USH2A: variants seen among roughly 807,000 people sequenced by gnomAD.
USH2A encodes usherin.
USH2A carries 443 observed loss-of-function variants against 538.9 expected under a neutral mutation model. The ratio of observed to expected loss-of-function variants is 0.82; its 90% CI spans 0.76 to 0.89. The LOEUF (loss-of-function observed/expected upper bound fraction) is 0.89, where lower values mean the gene tolerates loss of function less well. USH2A is among the 40% of genes least tolerant of loss of function. The probability of loss-of-function intolerance (pLI) is 0.00; values close to 1 mark genes in which losing one functional copy is unlikely to be tolerated. For synonymous variants in USH2A, 2,413 were observed against 2,273.5 expected (o/e 1.06, Z -1.75); for missense variants, 6,633 against 6,324.8 (o/e 1.05, Z -1.65).
At chr1:216,245,369 A>G (rs1243992322) in intron 13 of USH2A, among the ~76,000 whole-genome samples, 6 of 152,054 alleles carry the variant, frequency 3.9e-5, no homozygotes, top group Non-Finnish European at 7.4e-5. Context: ...GGTAGCTAAT[A>G]AATCGCTCTG....
Position 216,323,279 on chromosome 1 carries a change from TA to T in USH2A, c.1550+194del, listed in dbSNP as rs1558037540. On this transcript the variant is annotated intron_variant, in intron 8 of 71. Transcript: ENST00000307340. ...ATATTTATTTATAAAATACGTTTTA[TA>T]TATATATATATATATATATATAACA... is the stretch of plus-strand genomic sequence containing the variant. Among the ~76,000 whole-genome samples, 8,723 of 47,478 alleles carry T rather than the reference TA, an allele frequency of 0.18. 644 individuals carry two copies. Among genetic ancestry groups the T allele is most frequent in the African/African-American group, 0.37 (7,016 of 18,918 alleles). 31.1% of individuals were successfully genotyped at this position (47,478 alleles called of 152,430 possible).
intron 30 of USH2A, among the ~76,000 whole-genome samples, chr1:216,053,760 C>T (rs1247260071): frequency 1.3e-5 from 2 of 152,150 alleles, no homozygotes; most frequent in African/African-American, 4.8e-5. Flanking sequence ...ATGCATTTTG[C>T]ATTAATGCCT....
At chr1:216,146,738 GA>G (rs949362404) in intron 21 of USH2A, among the ~76,000 whole-genome samples, 3 of 151,908 alleles carry the variant, frequency 2.0e-5, no homozygotes, top group African/African-American at 7.3e-5. Context: ...TGGAGGGCAA[GA>G]ACCCCACTCC....
chr1:216,127,531 T>C (rs1252211988), intron 21 of USH2A, among the ~76,000 whole-genome samples: 1 of 152,166 alleles, frequency 6.6e-6, no homozygotes, highest in Non-Finnish European at 1.5e-5. Flanking sequence ...AGGAGAAAAC[T>C]CTCAGGGCAA....
At chr1:216,171,498 G>A (rs2102637446) in intron 21 of USH2A, among the ~76,000 whole-genome samples, 1 of 152,108 alleles carries the variant, frequency 6.6e-6, no homozygotes, top group South Asian at 2.1e-4. Context: ...ATGTGTAACA[G>A]CAAATAAATT....
At chr1:215,868,630 T>C (rs1664544447) in intron 43 of USH2A, among the ~76,000 whole-genome samples, 1 of 152,146 alleles carries the variant, frequency 6.6e-6, no homozygotes, top group Non-Finnish European at 1.5e-5. Context: ...TATTGGAAGA[T>C]AGGGTTTTTG....
chr1:215,813,292 C>T (rs1298083566), intron 49 of USH2A, among the ~76,000 whole-genome samples: 1 of 152,102 alleles, frequency 6.6e-6, no homozygotes, highest in Non-Finnish European at 1.5e-5. Flanking sequence ...TTGCCAGTGG[C>T]CTAGAATTCT....
At chr1:216,161,667 T>C (rs918977759) in intron 21 of USH2A, among the ~76,000 whole-genome samples, 1 of 152,098 alleles carries the variant, frequency 6.6e-6, no homozygotes, top group Non-Finnish European at 1.5e-5. Flanking sequence ...TCCTATGTCC[T>C]AATACACTTT....
chr1:215,800,303 T>C (rs1662287092), intron 49 of USH2A, among the ~76,000 whole-genome samples: 1 of 152,142 alleles, frequency 6.6e-6, no homozygotes, highest in African/African-American at 2.4e-5. Context: ...CCTCCTCTTC[T>C]TCCTACACCT....
intron 30 of USH2A, among the ~76,000 whole-genome samples, chr1:216,066,422 C>T (rs566411634): frequency 7.5e-4 from 114 of 151,960 alleles, no homozygotes; most frequent in African/African-American, 2.7e-3. Flanking sequence ...GCAGAGATTG[C>T]GCCACTGCAC....
intron 40 of USH2A, among the ~76,000 whole-genome samples, chr1:215,897,746 A>G (rs1196252307): frequency 1.3e-5 from 2 of 151,964 alleles, no homozygotes; most frequent in African/African-American, 2.4e-5. Context: ...AGAGAGAAAG[A>G]GAAAGAGAGT....
At chr1:215,803,034 CAT>C (rs1476688615) in intron 49 of USH2A, among the ~76,000 whole-genome samples, 1 of 152,136 alleles carries the variant, frequency 6.6e-6, no homozygotes, top group Non-Finnish European at 1.5e-5. Context: ...ACAAAAACCA[CAT>C]GATTATGTCA....
chr1:216,318,198 A>G (rs184196901), intron 9 of USH2A, among the ~76,000 whole-genome samples: 114 of 152,346 alleles, frequency 7.5e-4, no homozygotes, highest in Admixed American at 2.1e-3. Flanking sequence ...TATAATTCAC[A>G]AAAGCCCTGT....
intron 37 of USH2A, among the ~76,000 whole-genome samples, chr1:215,955,658 T>C (rs1266729149): frequency 1.3e-5 from 2 of 152,174 alleles, no homozygotes; most frequent in Non-Finnish European, 2.9e-5. Flanking sequence ...AGAATCCAAA[T>C]TCTCTAAAAG....
chr1:215,942,621 A>G (rs775515798), intron 37 of USH2A, among the ~76,000 whole-genome samples: 1 of 152,208 alleles, frequency 6.6e-6, no homozygotes, highest in Non-Finnish European at 1.5e-5. Context: ...AGTAACATTA[A>G]CAATTTTAGT....
At chr1:216,201,449 G>A (rs1020757710) in intron 16 of USH2A, among the ~76,000 whole-genome samples, 1 of 151,900 alleles carries the variant, frequency 6.6e-6, no homozygotes, top group Non-Finnish European at 1.5e-5. Flanking sequence ...GAATAGCTGG[G>A]ACTACAGGTG....
intron 50 of USH2A, among the ~76,000 whole-genome samples, chr1:215,797,142 A>G (rs1662165167): frequency 6.6e-6 from 1 of 152,218 alleles, no homozygotes; most frequent in South Asian, 2.1e-4. Context: ...CTTAGGCCAA[A>G]GCCTAGTCCA....
At chr1:216,344,756 G>A (rs1172778116) in intron 4 of USH2A, among the ~76,000 whole-genome samples, 3 of 151,740 alleles carry the variant, frequency 2.0e-5, no homozygotes, top group Admixed American at 2.0e-4. Context: ...CTTAATAAAA[G>A]ACAAGGACAC....
intron 11 of USH2A, 37 bp from the exon 12 acceptor site, chr1:216,251,135 T>C: frequency 1.9e-6 from 3 of 1,607,346 alleles, no homozygotes; most frequent in Non-Finnish European, 2.6e-6. Flanking sequence ...ATGATGAACG[T>C]ATCTATTTTT....
Sources: gnomAD v4.1 joint callset for allele counts (sites outside exome capture counted in the v4.1 genomes callset) on GRCh38, gnomAD v4.1.1 for gene constraint, MANE v1.5 for transcripts, NCBI Gene and HGNC (gene_info 2026-07-23, HGNC 2026-07-21) for gene names.